ARHGAP32: variants seen among roughly 807,000 people sequenced by gnomAD.
The protein encoded by ARHGAP32 is Rho GTPase activating protein 32, also known as rho GTPase-activating protein 32.
ARHGAP32 carries 51 observed loss-of-function variants against 186.5 expected under a neutral mutation model. The observed-to-expected ratio is 0.27, with a 90% confidence interval of 0.22 to 0.35. ARHGAP32 has a LOEUF of 0.35. ARHGAP32 is among the 10% of genes least tolerant of loss of function. ARHGAP32 has a pLI of 1.00. For synonymous variants in ARHGAP32, 950 were observed against 964.3 expected (o/e 0.99, Z 0.27); for missense variants, 2,186 against 2,623.5 (o/e 0.83, Z 3.64).
chr11:129,058,001 C>A (rs1323744681), intron 10 of ARHGAP32, among the ~76,000 whole-genome samples: 1 of 152,092 alleles, frequency 6.6e-6, no homozygotes, highest in East Asian at 1.9e-4. Context: ...GCTTCCAGAA[C>A]TGTAGGAAAA....
At chr11:129,121,250 C>G (rs145113507) in intron 5 of ARHGAP32, among the ~76,000 whole-genome samples, 2 of 151,722 alleles carry the variant, frequency 1.3e-5, no homozygotes, top group Non-Finnish European at 2.9e-5. Flanking sequence ...AAAGAGAGAA[C>G]AGCAACCCAA....
intron 6 of ARHGAP32, among the ~76,000 whole-genome samples, chr11:129,081,153 T>C (rs1340463572): frequency 1.3e-5 from 2 of 152,000 alleles, no homozygotes; most frequent in Non-Finnish European, 2.9e-5. Flanking sequence ...CAGGACCAGA[T>C]GGATTCACAG....
At chr11:129,211,404 C>T (rs1449796032) in intron 1 of ARHGAP32, among the ~76,000 whole-genome samples, 1 of 152,122 alleles carries the variant, frequency 6.6e-6, no homozygotes, top group African/African-American at 2.4e-5. Flanking sequence ...TCAATATTTA[C>T]TATATATTCC....
intron 1 of ARHGAP32, among the ~76,000 whole-genome samples, chr11:129,268,431 T>C (rs1029532315): frequency 1.3e-5 from 2 of 151,628 alleles, no homozygotes; most frequent in African/African-American, 4.9e-5. Context: ...ACAGTAAAAA[T>C]AAAGAAGCAG....
chr11:129,066,724 T>A lies in ARHGAP32; in HGVS notation c.669+7A>T. On this transcript the variant is annotated splice_region_variant and intron_variant, in intron 7 of 22. Transcript: ENST00000682385. The stretch of plus-strand genomic sequence containing the variant: ...TTACCTCTGTACTAAATGTACTAAA[T>A]GCTTACCTCTGGACTGTCCTTCAGG... The A allele has an allele frequency of 6.2e-7, 1 of 1,610,472 alleles. No individual in the cohort carries two copies. Among genetic ancestry groups the A allele is most frequent in the Non-Finnish European group, 8.5e-7 (1 of 1,178,222 alleles).
chr11:129,086,160 C>T (rs1688164829), intron 6 of ARHGAP32, among the ~76,000 whole-genome samples: 1 of 152,002 alleles, frequency 6.6e-6, no homozygotes, highest in Admixed American at 6.6e-5. Flanking sequence ...GACTAGGGAA[C>T]AAAGGCAATA....
At chr11:129,097,707 G>A (rs1216105974) in intron 5 of ARHGAP32, among the ~76,000 whole-genome samples, 3 of 152,036 alleles carry the variant, frequency 2.0e-5, no homozygotes, top group African/African-American at 7.2e-5. Flanking sequence ...ACACATGTAG[G>A]AGTACCAGAA....
At chr11:128,976,744 A>G (rs1201526349) in intron 19 of ARHGAP32, 110 bp from the exon 20 acceptor site, 8 of 869,746 alleles carry the variant, frequency 9.2e-6, no homozygotes, top group Non-Finnish European at 1.5e-5. Context: ...GATTAGCTGT[A>G]CATTTTGACA....
At chr11:129,180,018 ACT>A (rs1359257460) in intron 1 of ARHGAP32, among the ~76,000 whole-genome samples, 2 of 152,012 alleles carry the variant, frequency 1.3e-5, no homozygotes, top group African/African-American at 4.8e-5. Context: ...AATCTAAAAG[ACT>A]CTATAAGCAA....
At chr11:129,164,450 T>G in intron 1 of ARHGAP32, 23 bp from the exon 2 acceptor site, 3 of 1,341,462 alleles carry the variant, frequency 2.2e-6, no homozygotes, top group Non-Finnish European at 2.0e-6. Context: ...ACACGAAAGA[T>G]TCTGATAAGA....
At chr11:129,250,399 T>C (rs1225747759) in intron 1 of ARHGAP32, among the ~76,000 whole-genome samples, 1 of 152,236 alleles carries the variant, frequency 6.6e-6, no homozygotes, top group African/African-American at 2.4e-5. Flanking sequence ...TTTTACATAT[T>C]GAATTACTAC....
chr11:129,005,156 G>A (rs1200809913), intron 11 of ARHGAP32, among the ~76,000 whole-genome samples: 4 of 152,048 alleles, frequency 2.6e-5, no homozygotes, highest in Admixed American at 6.6e-5. Flanking sequence ...CTAACAGACT[G>A]TATGCTTTAA....
intron 5 of ARHGAP32, among the ~76,000 whole-genome samples, chr11:129,109,367 T>C (rs1942141218): frequency 6.6e-6 from 1 of 152,128 alleles, no homozygotes; most frequent in Non-Finnish European, 1.5e-5. Context: ...TTATTGTAAA[T>C]AGTGCTGCAA....
intron 11 of ARHGAP32, among the ~76,000 whole-genome samples, chr11:129,008,783 A>G (rs915175816): frequency 6.6e-6 from 1 of 152,232 alleles, no homozygotes; most frequent in Non-Finnish European, 1.5e-5. Flanking sequence ...GTTGTATCTG[A>G]GATTCCTCAC....
chr11:129,086,388 T>A (rs1489147071), intron 6 of ARHGAP32, among the ~76,000 whole-genome samples: 1 of 152,122 alleles, frequency 6.6e-6, no homozygotes. Context: ...ATGATATTTT[T>A]AAAAAACACA....
At position 129,109,853 on chromosome 11, in the gene ARHGAP32, T is replaced by C. The variant is rs537271990; in HGVS notation, c.444+13593A>G. Among the ~76,000 whole-genome samples the C allele has an allele frequency of 1.3e-3, 191 of 152,212 alleles. 1 individual carries two copies. Among genetic ancestry groups the C allele is most frequent in the African/African-American group, 4.2e-3 (175 of 41,570 alleles). ...TTGAATTCCTTGTATAACTCCCTTGTGGGATATCATTTACAAATATTTCCT... is the reference window on the plus strand; with the variant it reads ...TTGAATTCCTTGTATAACTCCCTTGCGGGATATCATTTACAAATATTTCCT... On this transcript the variant is annotated intron_variant, in intron 5 of 22. Transcript: ENST00000682385.
chr11:129,062,739 G>T (rs994969827), intron 9 of ARHGAP32, among the ~76,000 whole-genome samples: 2 of 152,104 alleles, frequency 1.3e-5, no homozygotes, highest in Non-Finnish European at 2.9e-5. Context: ...AAATATTCAT[G>T]TTTAGAAACA....
At chr11:129,218,974 C>T (rs1006247352) in intron 1 of ARHGAP32, among the ~76,000 whole-genome samples, 3 of 152,154 alleles carry the variant, frequency 2.0e-5, no homozygotes, top group African/African-American at 7.2e-5. Context: ...TCACTGCAGA[C>T]CCAATGAGAG....
chr11:129,246,045 CATTT>C (rs1945093174), intron 1 of ARHGAP32, among the ~76,000 whole-genome samples: 2 of 152,176 alleles, frequency 1.3e-5, no homozygotes, highest in South Asian at 4.1e-4. Context: ...ATTCATTAAA[CATTT>C]ATTTATAGCT....
Sources: gnomAD v4.1 joint callset for allele counts (sites outside exome capture counted in the v4.1 genomes callset) on GRCh38, gnomAD v4.1.1 for gene constraint, MANE v1.5 for transcripts, NCBI Gene and HGNC (gene_info 2026-07-23, HGNC 2026-07-21) for gene names.